The following HCN3 variants were observed in gnomAD, a reference collection of about 807,000 sequenced individuals.
HCN3 encodes the protein potassium/sodium hyperpolarization-activated cyclic nucleotide-gated channel 3.
A neutral mutation model predicts 56.8 loss-of-function variants in HCN3; 36 were observed. The ratio of observed to expected loss-of-function variants is 0.63; its 90% CI spans 0.49 to 0.84. HCN3 has a LOEUF of 0.84. HCN3 is among the 40% of genes least tolerant of loss of function. The probability of loss-of-function intolerance (pLI) is 0.00; values close to 1 mark genes in which losing one functional copy is unlikely to be tolerated. For missense variants in HCN3, 930 were observed against 1,079.3 expected, an observed-to-expected ratio of 0.86 and a Z score of 1.94; for synonymous variants, 425 against 439.7, an observed-to-expected ratio of 0.97 and a Z score of 0.42.
At chr1:155,286,259 C>T (rs535535805) in intron 6 of HCN3, among the ~76,000 whole-genome samples, 2 of 152,268 alleles carry the variant, frequency 1.3e-5, no homozygotes, top group East Asian at 3.9e-4. Flanking sequence ...CATTCTCCTG[C>T]CTCACACTCC....
At position 155,282,556 on chromosome 1, in the gene HCN3, G is replaced by A. The variant is rs754698524; in HGVS notation, c.424G>A (p.Val142Met). 1 of 1,614,234 alleles carries A rather than the reference G, an allele frequency of 6.2e-7. No homozygotes were observed. Among genetic ancestry groups the A allele is most frequent in the East Asian group, 2.2e-5 (1 of 44,892 alleles). ...TGATACTTTCTTCCTACTGGATCTGGTGCTCAACTTCCGAACGGGCATCGT... is the reference window on the plus strand; with the variant it reads ...TGATACTTTCTTCCTACTGGATCTGATGCTCAACTTCCGAACGGGCATCGT... ...LSDTFFLLDLVLNFRTGIVVE... is the reference protein window; with the variant it reads ...LSDTFFLLDLMLNFRTGIVVE... Residue 142 changes from valine (V) to methionine (M), a missense_variant, in exon 2 of 8, where the codon GTG (valine) becomes ATG (methionine). Physicochemically the swap from Val to Met is conservative, Grantham distance 21 (BLOSUM62 1). Coordinates refer to ENST00000368358, the MANE Select transcript of HCN3 (RefSeq NM_020897.3). The surrounding 1 kb of genome is among the most constrained non-coding windows in gnomAD (Gnocchi z 4.7).
At position 155,284,955 on chromosome 1, in the gene HCN3, G is replaced by A. The variant is rs1019654465; in HGVS notation, c.1089+198G>A. ...TGTGCTTGGCCCCTCTGCTGTCCAC[G>A]CCTGGGTTTTCCTATGACTGTGCTC... On this transcript the variant is annotated intron_variant, in intron 4 of 7. Transcript: ENST00000368358. This position sits in a 1 kb window ranked among gnomAD's most constrained non-coding sequence, Gnocchi z 4.3. Among the ~76,000 whole-genome samples, 4 of 152,128 alleles carry A rather than the reference G, an allele frequency of 2.6e-5. No individual in the cohort carries two copies. Among genetic ancestry groups the A allele is most frequent in the East Asian group, 1.9e-4 (1 of 5,194 alleles).
At chr1:155,280,436 A>ATT (rs58042846) in intron 1 of HCN3, among the ~76,000 whole-genome samples, 1 of 131,558 alleles carries the variant, frequency 7.6e-6, no homozygotes, top group Admixed American at 7.7e-5. Context: ...CACCTGGCTA[A>ATT]TTTTTTTTTT....
chr1:155,284,425 G>A lies in HCN3; in HGVS notation c.871-114G>A, dbSNP rs371127390. ...AACCAAACTTAAGTGCCTGCCAGGA[G>A]GAAGGCCTGCAGTAGAAGGGGCAGA... On this transcript the variant is annotated intron_variant, in intron 3 of 7. Transcript: ENST00000368358. This position sits in a 1 kb window ranked among gnomAD's most constrained non-coding sequence, Gnocchi z 4.3. 17 of 1,190,552 alleles carry A rather than the reference G, an allele frequency of 1.4e-5. No homozygotes were observed. Among genetic ancestry groups the A allele is most frequent in the East Asian group, 1.3e-4 (5 of 39,482 alleles). 73.7% of individuals were successfully genotyped at this position (1,190,552 alleles called of 1,614,324 possible).
At position 155,277,797 on chromosome 1, in the gene HCN3, A is replaced by G. The variant is rs778487811; in HGVS notation, c.207A>G (p.Lys69=). Residue 69 remains lysine (K), a synonymous_variant, in exon 1 of 8, where the codon AAA becomes AAG. Transcript: ENST00000368358. ...KFSLRVFGSH[K]AVEIEQERVK... is the part of the protein sequence containing the mutation. ...CCCTTCGGGTGTTCGGCAGCCACAA[A>G]GCAGTGGAAATCGAGCAGGAGCGGG... 1.2e-5 allele frequency: 20 copies of G among 1,612,470 alleles called. No homozygotes were observed. Among genetic ancestry groups the G allele is most frequent in the Non-Finnish European group, 1.7e-5 (20 of 1,179,886 alleles).
chr1:155,282,865 G>A lies in HCN3; in HGVS notation c.708+25G>A. 6.5e-7 allele frequency: 1 copy of A among 1,544,880 alleles called. No homozygotes were observed. The highest frequency in any genetic ancestry group is 8.7e-7 in the Non-Finnish European group (1 of 1,144,946). Reference sequence around the variant, plus strand: ...GGTGGGGTGGGGAGATGGCGGGCGGGGCAGTGGGTGGGGGATGTTGGGGGA... The same window carrying A: ...GGTGGGGTGGGGAGATGGCGGGCGGAGCAGTGGGTGGGGGATGTTGGGGGA... On this transcript the variant is annotated intron_variant, in intron 2 of 7. Coordinates refer to ENST00000368358, the MANE Select transcript of HCN3 (RefSeq NM_020897.3). This position sits in a 1 kb window ranked among gnomAD's most constrained non-coding sequence, Gnocchi z 4.7.
In HCN3 at chr1:155,282,771, C is replaced by G; in HGVS notation, c.639C>G (p.Thr213=). The G allele has an allele frequency of 1.2e-6, 2 of 1,613,840 alleles. No homozygotes were observed. Among genetic ancestry groups the G allele is most frequent in the East Asian group, 4.5e-5 (2 of 44,854 alleles). ...TARALRIVRF[T]KILSLLRLLR... ...GGGCCCTACGCATCGTTCGCTTCAC[C>G]AAGATCCTAAGCCTGCTGAGGCTGC... Residue 213 remains threonine, a synonymous_variant, in exon 2 of 8, where the codon ACC becomes ACG. Coordinates refer to ENST00000368358, the MANE Select transcript of HCN3 (RefSeq NM_020897.3). This position sits in a 1 kb window ranked among gnomAD's most constrained non-coding sequence, Gnocchi z 4.7.
chr1:155,284,432 C>T lies in HCN3; in HGVS notation c.871-107C>T. The stretch of plus-strand genomic sequence containing the variant: ...CTTAAGTGCCTGCCAGGAGGAAGGC[C>T]TGCAGTAGAAGGGGCAGACAGAAAG... On this transcript the variant is annotated intron_variant, in intron 3 of 7. Transcript: ENST00000368358. This position sits in a 1 kb window ranked among gnomAD's most constrained non-coding sequence, Gnocchi z 4.3. The T allele has an allele frequency of 3.2e-6, 4 of 1,235,806 alleles. No homozygotes were observed. The highest frequency in any genetic ancestry group is 4.4e-6 in the Non-Finnish European group (4 of 900,674). 76.6% of individuals were successfully genotyped at this position (1,235,806 alleles called of 1,614,324 possible). A position where few individuals can be genotyped will look rare whatever the true frequency, so the allele number is the denominator to read the frequency against.
rs1164418100 is a variant in HCN3, at chr1:155,282,169, A to G, written c.279-242A>G. ...CTCCTGGAGCGCATATTTTCCTTGGATGTGTCTATACGTAGGAATGGGATT... is the reference window on the plus strand; with the variant it reads ...CTCCTGGAGCGCATATTTTCCTTGGGTGTGTCTATACGTAGGAATGGGATT... On this transcript the variant is annotated intron_variant, in intron 1 of 7. Transcript: ENST00000368358. This position sits in a 1 kb window ranked among gnomAD's most constrained non-coding sequence, Gnocchi z 4.7. Among the ~76,000 whole-genome samples the G allele has an allele frequency of 6.6e-6, 1 of 152,148 alleles. No individual in the cohort carries two copies. Among genetic ancestry groups the G allele is most frequent in the Non-Finnish European group, 1.5e-5 (1 of 68,034 alleles).
intron 1 of HCN3, among the ~76,000 whole-genome samples, chr1:155,280,728 ACG>A (rs1557945222): frequency 1.9e-5 from 2 of 106,888 alleles, no homozygotes; most frequent in African/African-American, 7.3e-5. Flanking sequence ...GTGAGCCACC[ACG>A]CCCAGCTATT....
chr1:155,281,584 G>A (rs1044748719), intron 1 of HCN3, among the ~76,000 whole-genome samples: 2 of 151,044 alleles, frequency 1.3e-5, no homozygotes, highest in Admixed American at 1.3e-4. Flanking sequence ...GGCCAGATTG[G>A]TCTCAAACTC....
intron 1 of HCN3, among the ~76,000 whole-genome samples, chr1:155,280,075 T>A (rs577657351): frequency 7.8e-4 from 118 of 151,702 alleles, no homozygotes; most frequent in African/African-American, 2.7e-3. Context: ...GCCTCCTGAG[T>A]AGCTGAGATT....
chr1:155,278,072 A>G (rs1034186261), intron 1 of HCN3, among the ~76,000 whole-genome samples: 20 of 152,120 alleles, frequency 1.3e-4, no homozygotes, highest in African/African-American at 3.6e-4. Context: ...GTGCCTGGAC[A>G]GGCTGGGGGC....
At position 155,277,542 on chromosome 1, in the gene HCN3, T is replaced by TG; in HGVS notation, c.-47dup. The TG allele has an allele frequency of 6.6e-7, 1 of 1,510,788 alleles. No individual in the cohort carries two copies. Among genetic ancestry groups the TG allele is most frequent in the Non-Finnish European group, 8.9e-7 (1 of 1,129,192 alleles). 93.6% of individuals were successfully genotyped at this position (1,510,788 alleles called of 1,614,324 possible). On this transcript the variant is annotated 5_prime_UTR_variant, in exon 1 of 8. The change creates a premature stop within an existing upstream ORF in the 5' untranslated region. Coordinates refer to ENST00000368358, the MANE Select transcript of HCN3 (RefSeq NM_020897.3). ...CTCTGGAGGGGTTGCGGGTACCTGA[T>TG]GGCCACAGAGGGCTCTAGGAGGCCG...
At position 155,282,374 on chromosome 1, in the gene HCN3, C is replaced by T. The variant is rs757816696; in HGVS notation, c.279-37C>T. 17 of 1,593,320 alleles carry T rather than the reference C, an allele frequency of 1.1e-5. No homozygotes were observed. Among genetic ancestry groups the T allele is most frequent in the Non-Finnish European group, 1.5e-5 (17 of 1,165,662 alleles). ...GTCAGTCTAGTGGCTGGTGAAATAT[C>T]CTCATGGTCTTACTCCTCATCTCAC... On this transcript the variant is annotated intron_variant, in intron 1 of 7. Coordinates refer to ENST00000368358, the MANE Select transcript of HCN3 (RefSeq NM_020897.3). The surrounding 1 kb of genome is among the most constrained non-coding windows in gnomAD (Gnocchi z 4.7).
At chr1:155,277,930 C>G in intron 1 of HCN3, 62 bp downstream of exon 1, 3 of 1,541,628 alleles carry the variant, frequency 1.9e-6, no homozygotes, top group Non-Finnish European at 1.8e-6. Flanking sequence ...GCAGCGACAC[C>G]GGGACCCGGC....
chr1:155,280,166 C>T (rs1233188474), intron 1 of HCN3, among the ~76,000 whole-genome samples: 1 of 151,836 alleles, frequency 6.6e-6, no homozygotes, highest in East Asian at 1.9e-4. Flanking sequence ...AGGCTGGTCT[C>T]GAACACTTGA....
chr1:155,278,846 C>G (rs1273638380), intron 1 of HCN3, among the ~76,000 whole-genome samples: 1 of 152,200 alleles, frequency 6.6e-6, no homozygotes, highest in Non-Finnish European at 1.5e-5. Context: ...GGATCTCACT[C>G]TCTTCCCTCA....
rs767979521 is a variant in HCN3, at chr1:155,285,168, A to G, written c.1093A>G (p.Lys365Glu). Residue 365 changes from lysine (K) to glutamate (E), a missense_variant, in exon 5 of 8, where the codon AAG (lysine) becomes GAG (glutamate). By Grantham distance (56) the Lys-to-Glu change is moderately conservative. Coordinates refer to ENST00000368358, the MANE Select transcript of HCN3 (RefSeq NM_020897.3). The surrounding 1 kb of genome is among the most constrained non-coding windows in gnomAD (Gnocchi z 4.5). ...SSRRQYQEKY[K>E]QVEQYMSFHK... ...TGGCAATGGGCTGGCCCTCCAGTAC[A>G]AGCAGGTGGAGCAGTACATGTCCTT... The G allele has an allele frequency of 6.2e-7, 1 of 1,613,840 alleles. No individual in the cohort carries two copies. Among genetic ancestry groups the G allele is most frequent in the Non-Finnish European group, 8.5e-7 (1 of 1,179,766 alleles).
Sources: allele counts gnomAD v4.1 joint callset (sites outside exome capture counted in the v4.1 genomes callset), GRCh38; gene constraint gnomAD v4.1.1; non-coding constraint Gnocchi (gnomAD v3.1); transcripts MANE v1.5; gene names NCBI Gene and HGNC (gene_info 2026-07-23, HGNC 2026-07-21).